The following CC2D1A variants were observed in gnomAD, a reference collection of about 807,000 sequenced individuals.
CC2D1A encodes coiled-coil and C2 domain containing 1A, also known as coiled-coil and C2 domain-containing protein 1A.
In CC2D1A, 68 loss-of-function variants were observed where a neutral mutation model predicts 123.8. The observed-to-expected ratio is 0.55, with a 90% CI of 0.45 to 0.67. The LOEUF (loss-of-function observed/expected upper bound fraction) is 0.67. Ranked by LOEUF, CC2D1A falls within the 30% of genes least tolerant of loss-of-function variation. The pLI is 0.00. For synonymous variants in CC2D1A, 477 were observed against 528.0 expected (o/e 0.90, Z 1.32); for missense variants, 1,185 against 1,290.3 (o/e 0.92, Z 1.25).
At chr19:13,929,926 G>A (rs1421743058) in intron 26 of CC2D1A, 152 bp from the exon 27 acceptor site, 1 of 579,966 alleles carries the variant, frequency 1.7e-6, no homozygotes, top group South Asian at 2.0e-5. Context: ...GGCACCTGGA[G>A]GGGGAGGGGC....
intron 17 of CC2D1A, among the ~76,000 whole-genome samples, chr19:13,925,933 A>AAAATATATAT (rs1315518981): frequency 3.3e-4 from 30 of 91,034 alleles, no homozygotes; most frequent in African/African-American, 1.6e-3. Context: ...AAAAAAAAAA[A>AAAATATATAT]ATATATATAT....
At position 13,930,483 on chromosome 19, in the gene CC2D1A, G is replaced by A; in HGVS notation, c.*88G>A. The A allele has an allele frequency of 7.1e-7, 1 of 1,409,830 alleles. No individual in the cohort carries two copies. Among genetic ancestry groups the A allele is most frequent in the East Asian group, 2.5e-5 (1 of 40,482 alleles). 87.3% of individuals were successfully genotyped at this position (1,409,830 alleles called of 1,614,324 possible). ...GACACAGCCACGAACCAGACAAGCAGACAATCAGCGGACAATCGGTTCTGG... is the reference window on the plus strand; with the variant it reads ...GACACAGCCACGAACCAGACAAGCAAACAATCAGCGGACAATCGGTTCTGG... On this transcript the variant is annotated 3_prime_UTR_variant, in exon 29 of 29. Transcript: ENST00000318003. The surrounding 1 kb of genome is among the most constrained non-coding windows in gnomAD (Gnocchi z 6.8).
At position 13,929,362 on chromosome 19, in the gene CC2D1A, C is replaced by T. The variant is rs945875420; in HGVS notation, c.2520-17C>T. 6.2e-7 allele frequency: 1 copy of T among 1,613,160 alleles called. No homozygotes were observed. The highest frequency in any genetic ancestry group is 1.3e-5 in the African/African-American group (1 of 74,876). ...GGGGGAATCTCTGCAGTCCCTTATC[C>T]TTCCTCCACCCCTTAGATCAGCCCG... On this transcript the variant is annotated splice_polypyrimidine_tract_variant and intron_variant, in intron 24 of 28. Transcript: ENST00000318003.
Position 13,930,368 on chromosome 19 carries a change from C to T in CC2D1A, c.2836-7C>T, listed in dbSNP as rs766921669. 5 of 1,613,210 alleles carry T rather than the reference C, an allele frequency of 3.1e-6. No homozygotes were observed. The highest frequency in any genetic ancestry group is 2.2e-5 in the East Asian group (1 of 44,878). On this transcript the variant is annotated splice_polypyrimidine_tract_variant and splice_region_variant and intron_variant, in intron 28 of 28. Transcript: ENST00000318003. This position sits in a 1 kb window ranked among gnomAD's most constrained non-coding sequence, Gnocchi z 6.8. ...CTCCATGACCCCAGTGGCCTCCTCT[C>T]CCCCAGCTGCAGCGGCTCCGCAGGT...
chr19:13,912,399 G>A lies in CC2D1A; in HGVS notation c.273G>A (p.Gly91=), dbSNP rs770768395. 10 of 1,613,722 alleles carry A rather than the reference G, an allele frequency of 6.2e-6. No individual in the cohort carries two copies. The South Asian group carries it at 1.1e-4, about 18-fold the overall frequency. The change falls in exon 3 of 29, where the codon GGG becomes GGA. Residue 91 remains glycine, a synonymous_variant. Coordinates refer to ENST00000318003, the MANE Select transcript of CC2D1A (RefSeq NM_017721.5). ...ACCCGGATGAGGATGAGGAGGAGGG[G>A]ACGGATGAGGACGACTTGGAGGCTG... ...MRDPDEDEEE[G]TDEDDLEADD...
In CC2D1A at chr19:13,918,484, TCTC is replaced by T. The variant is rs950453818; in HGVS notation, c.874-16_874-14del. 7 of 1,610,438 alleles carry T rather than the reference TCTC, an allele frequency of 4.3e-6. No individual in the cohort carries two copies. In the African/African-American group the frequency reaches 6.7e-5, roughly 15 times the overall value. ...CCCCCAACTGCACCTCTTCTTCTAATCTCCTCTTCCTTCTCCCAGAGCTTTGAT... is the reference window on the plus strand; with the variant it reads ...CCCCCAACTGCACCTCTTCTTCTAATCTCTTCCTTCTCCCAGAGCTTTGAT... On this transcript the variant is annotated splice_polypyrimidine_tract_variant and intron_variant, in intron 7 of 28. Transcript: ENST00000318003.
chr19:13,927,117 G>C (rs1364739924), intron 21 of CC2D1A, 40 bp downstream of exon 21: 1 of 1,607,712 alleles, frequency 6.2e-7, no homozygotes, highest in Non-Finnish European at 8.5e-7. Flanking sequence ...TGGGCTCCAG[G>C]GGAGGGGAGC....
intron 24 of CC2D1A, among the ~76,000 whole-genome samples, 194 bp downstream of exon 24, chr19:13,928,382 T>A (rs1698078676): frequency 6.6e-6 from 1 of 152,084 alleles, no homozygotes; most frequent in Admixed American, 6.6e-5. Context: ...GATCTGACCA[T>A]TGTCAACATA....
chr19:13,923,692 C>T lies in CC2D1A; in HGVS notation c.1824-3C>T, dbSNP rs377064691. The T allele has an allele frequency of 1.2e-6, 2 of 1,613,852 alleles. No individual in the cohort carries two copies. Among genetic ancestry groups the T allele is most frequent in the Non-Finnish European group, 1.7e-6 (2 of 1,179,820 alleles). On this transcript the variant is annotated splice_polypyrimidine_tract_variant and splice_region_variant and intron_variant, in intron 16 of 28. Coordinates refer to ENST00000318003, the MANE Select transcript of CC2D1A (RefSeq NM_017721.5). This position sits in a 1 kb window ranked among gnomAD's most constrained non-coding sequence, Gnocchi z 5.3. ...GACATGAGCAGGGCCCTCCCACCGG[C>T]AGGTTTGAAAAGTTGGCGGAGGACT... is the stretch of plus-strand genomic sequence containing the variant.
At chr19:13,928,504 G>A (rs971883481) in intron 24 of CC2D1A, among the ~76,000 whole-genome samples, 2 of 151,650 alleles carry the variant, frequency 1.3e-5, no homozygotes, top group African/African-American at 2.4e-5. Context: ...CCTAGGGTAG[G>A]GGTGTTCCTT....
Position 13,907,087 on chromosome 19 carries a change from A to C in CC2D1A, c.60+586A>C, listed in dbSNP as rs563689346. 1.7e-4 allele frequency among the ~76,000 whole-genome samples: 26 copies of C among 152,278 alleles called. 1 individual carries two copies. Among genetic ancestry groups the C allele is most frequent in the African/African-American group, 4.8e-4 (20 of 41,566 alleles). ...TGAAGTTCCCTCCTGGCCTCTGTAC[A>C]TCGGACACTTGACTTTACAGCTCTG... On this transcript the variant is annotated intron_variant, in intron 1 of 28. Coordinates refer to ENST00000318003, the MANE Select transcript of CC2D1A (RefSeq NM_017721.5).
At chr19:13,913,037 T>C in intron 4 of CC2D1A, 131 bp from the exon 5 acceptor site, 2 of 941,304 alleles carry the variant, frequency 2.1e-6, no homozygotes, top group Non-Finnish European at 3.1e-6. Flanking sequence ...ATGGGGACCA[T>C]GATTTCTGCC....
In CC2D1A at chr19:13,930,333, C is replaced by T. The variant is rs199955153; in HGVS notation, c.2836-42C>T. 1.5e-4 allele frequency: 249 copies of T among 1,613,764 alleles called. 1 individual carries two copies. The African/African-American group carries it at 2.4e-3, about 15-fold the overall frequency. ...GGGGTGGTTGGGGGATCACTGTGGTCGTAGCCCACCTCCATGACCCCAGTG... is the reference window on the plus strand; with the variant it reads ...GGGGTGGTTGGGGGATCACTGTGGTTGTAGCCCACCTCCATGACCCCAGTG... On this transcript the variant is annotated intron_variant, in intron 28 of 28. Coordinates refer to ENST00000318003, the MANE Select transcript of CC2D1A (RefSeq NM_017721.5). The surrounding 1 kb of genome is among the most constrained non-coding windows in gnomAD (Gnocchi z 6.8).
chr19:13,923,533 CTTCT>C lies in CC2D1A; in HGVS notation c.1765-14_1765-11del, dbSNP rs781508693. On this transcript the variant is annotated splice_polypyrimidine_tract_variant and intron_variant, in intron 15 of 28. Transcript: ENST00000318003. This position sits in a 1 kb window ranked among gnomAD's most constrained non-coding sequence, Gnocchi z 5.3. ...CTCTTCCCTTCCCTCGACTCACTGC[CTTCT>C]GTTTCCCCAGATGTGCCTGAACCAC... is the stretch of plus-strand genomic sequence containing the variant. 6 of 1,614,038 alleles carry C rather than the reference CTTCT, an allele frequency of 3.7e-6. No homozygotes were observed. Among genetic ancestry groups the C allele is most frequent in the Non-Finnish European group, 5.1e-6 (6 of 1,180,020 alleles).
intron 26 of CC2D1A, 140 bp from the exon 27 acceptor site, chr19:13,929,938 C>T (rs1186696936): frequency 4.8e-5 from 9 of 188,438 alleles, no homozygotes; most frequent in East Asian, 1.7e-4. Flanking sequence ...GGGAGGGGCT[C>T]GGGGATGGGC....
chr19:13,927,731 C>T, intron 22 of CC2D1A, 162 bp from the exon 23 acceptor site: 1 of 733,272 alleles, frequency 1.4e-6, no homozygotes, highest in Non-Finnish European at 2.3e-6. Flanking sequence ...GCAGTGAGCC[C>T]AGATTGCACC....
intron 2 of CC2D1A, among the ~76,000 whole-genome samples, chr19:13,910,407 CAAAA>C (rs766322114): frequency 4.9e-5 from 2 of 40,886 alleles, no homozygotes; most frequent in Non-Finnish European, 1.1e-4. Context: ...GACTCCGTCT[CAAAA>C]AAAAAAAAAA....
intron 14 of CC2D1A, among the ~76,000 whole-genome samples, chr19:13,922,025 G>A (rs780870490): frequency 6.6e-6 from 1 of 152,056 alleles, no homozygotes. Flanking sequence ...GTTTTGAGAC[G>A]GAGTCTCGCC....
At position 13,906,538 on chromosome 19, in the gene CC2D1A, T is replaced by C. The variant is rs959242716; in HGVS notation, c.60+37T>C. 2.2e-6 allele frequency: 3 copies of C among 1,389,082 alleles called. No individual in the cohort carries two copies. The Admixed American group carries it at 8.4e-5, about 39-fold the overall frequency. 86.0% of individuals were successfully genotyped at this position (1,389,082 alleles called of 1,614,324 possible). A position where few individuals can be genotyped will look rare whatever the true frequency, so the allele number is the denominator to read the frequency against. The stretch of plus-strand genomic sequence containing the variant: ...CCCCACGGCCCGACCTGGGGATCCC[T>C]CCCCACCCCCGTCACTCGCTCAGGG... On this transcript the variant is annotated intron_variant, in intron 1 of 28. Coordinates refer to ENST00000318003, the MANE Select transcript of CC2D1A (RefSeq NM_017721.5). This position sits in a 1 kb window ranked among gnomAD's most constrained non-coding sequence, Gnocchi z 4.1.
Sources: gnomAD v4.1 joint callset for allele counts (sites outside exome capture counted in the v4.1 genomes callset) on GRCh38, gnomAD v4.1.1 for gene constraint, Gnocchi (gnomAD v3.1) non-coding constraint, MANE v1.5 for transcripts, NCBI Gene and HGNC (gene_info 2026-07-23, HGNC 2026-07-21) for gene names.